CACNA1F: variants seen among roughly 807,000 people sequenced by gnomAD.
CACNA1F encodes voltage-dependent L-type calcium channel subunit alpha-1F.
Under a neutral mutation model 143.8 loss-of-function variants are expected in CACNA1F, and 59 were observed. That is an observed-to-expected ratio of 0.41 (90% CI 0.33 to 0.51). The LOEUF (loss-of-function observed/expected upper bound fraction) is 0.51. Ranked by LOEUF, CACNA1F falls within the 20% of genes least tolerant of loss-of-function variation. The pLI is 0.22. For synonymous variants in CACNA1F, 643 were observed against 649.1 expected (o/e 0.99, Z 0.14); for missense variants, 1,411 against 1,647.5 (o/e 0.86, Z 2.48).
chrX:49,211,598 T>G (rs1397771793), intron 35 of CACNA1F, 117 bp from the exon 36 acceptor site: 1 of 611,581 alleles, frequency 1.6e-6, no homozygotes, highest in African/African-American at 2.2e-5. Flanking sequence ...AGGGGCTACA[T>G]CTGGCACAGA....
chrX:49,230,410 G>T (rs1557111033), intron 5 of CACNA1F, 38 bp from the exon 6 acceptor site: 1 of 1,207,322 alleles, frequency 8.3e-7, no homozygotes, highest in Non-Finnish European at 1.1e-6. Flanking sequence ...TAAGGGCGGG[G>T]TCAGCTCAGC....
chrX:49,217,576 C>A (rs189825708), intron 26 of CACNA1F, among the ~76,000 whole-genome samples, 179 bp downstream of exon 26: 1 of 107,908 alleles, frequency 9.3e-6, no homozygotes, highest in East Asian at 2.9e-4. Context: ...TTGGGGAATG[C>A]GGAGAGGGAT....
At chrX:49,208,822 C>T (rs1444795338) in intron 42 of CACNA1F, 138 bp from the exon 43 acceptor site, 7 of 529,029 alleles carry the variant, frequency 1.3e-5, no homozygotes, top group Middle Eastern at 5.1e-4. Flanking sequence ...TAAATAAATA[C>T]GTAAATAAAT....
chrX:49,215,423 G>T lies in CACNA1F; in HGVS notation c.3357C>A (p.Asn1119Lys). The change falls in exon 28 of 48, where the codon AAC (asparagine) becomes AAA (lysine). Residue 1119 changes from asparagine (N) to lysine (K), a missense_variant. This residue lies in a region of CACNA1F where 950 missense variants were observed against 1,128.1 expected (regional missense o/e 0.84). Coordinates refer to ENST00000323022, the MANE Select transcript of CACNA1F (RefSeq NM_001256789.3). The stretch of plus-strand genomic sequence containing the variant: ...TGATGATGACGAAGCCCACGAAGAT[G>T]TTCATCATGAAGAACGCAATGATGA... ...YIIIIAFFMM[N>K]IFVGFVIITF... 1 of 1,209,097 alleles carries T rather than the reference G, an allele frequency of 8.3e-7. No individual in the cohort carries two copies. The highest frequency in any genetic ancestry group is 1.7e-5 in the African/African-American group (1 of 57,632).
intron 14 of CACNA1F, among the ~76,000 whole-genome samples, chrX:49,223,618 A>AAAAAAAAG (rs1399389646): frequency 3.0e-5 from 3 of 100,571 alleles, no homozygotes; most frequent in African/African-American, 1.2e-4. Context: ...AAAAAAAAAA[A>AAAAAAAAG]AAGAAGAAGA....
rs781842623 is a variant in CACNA1F at position 49,209,609 on chromosome X, C to T, written c.4821+20G>A. 2.5e-6 allele frequency: 3 copies of T among 1,210,883 alleles called. No homozygotes were observed. Among genetic ancestry groups the T allele is most frequent in the Non-Finnish European group, 3.4e-6 (3 of 894,852 alleles). On this transcript the variant is annotated intron_variant, in intron 41 of 47. Transcript: ENST00000323022. ...GCACTGCCACACGTGCCCATCCACA[C>T]TAGGCCCTGCCCCGAAGACCTGAAG...
rs2065643796 is a variant in CACNA1F at position 49,210,345 on chromosome X, G to A, written c.4544C>T (p.Thr1515Ile). The change falls in exon 39 of 48, where the codon ACA becomes ATA. Residue 1515 changes from threonine (T) to isoleucine (I), a missense_variant. Thr to Ile is a moderately conservative substitution (Grantham distance 89). Around this residue, in one of 3 missense-constraint regions of CACNA1F, gnomAD observed 112 missense variants for 169.2 expected, o/e 0.66. Coordinates refer to ENST00000323022, the MANE Select transcript of CACNA1F (RefSeq NM_001256789.3). ...GGATGTCCGGACCAGGGCAAAGAGT[G>A]TGGCGTTGAATGTCACCGTCCCATC... ...NSDGTVTFNA[T>I]LFALVRTSLK... The A allele has an allele frequency of 8.3e-7, 1 of 1,209,078 alleles. No individual in the cohort carries two copies. The highest frequency in any genetic ancestry group is 1.1e-6 in the Non-Finnish European group (1 of 892,898).
intron 14 of CACNA1F, among the ~76,000 whole-genome samples, chrX:49,224,280 G>A (rs1239973115): frequency 9.1e-6 from 1 of 110,488 alleles, no homozygotes; most frequent in Non-Finnish European, 1.9e-5. Flanking sequence ...GGGGATTGAG[G>A]ATGGTATTAT....
intron 30 of CACNA1F, 84 bp from the exon 31 acceptor site, chrX:49,213,986 AG>A: frequency 9.9e-6 from 7 of 709,285 alleles, no homozygotes; most frequent in South Asian, 8.9e-5. Context: ...GGGGCGCCGG[AG>A]GGGGGCAGGG....
At chrX:49,205,483 G>C in intron 47 of CACNA1F, 116 bp from the exon 48 acceptor site, 1 of 837,888 alleles carries the variant, frequency 1.2e-6, no homozygotes, top group Non-Finnish European at 1.7e-6. Flanking sequence ...GGACAGGGGT[G>C]AGCAGAGGTC....
Position 49,224,942 on chromosome X carries a change from G to A in CACNA1F, c.1696C>T (p.Leu566Phe). The A allele has an allele frequency of 4.1e-6, 5 of 1,206,484 alleles. No individual in the cohort carries two copies. Among genetic ancestry groups the A allele is most frequent in the Non-Finnish European group, 5.6e-6 (5 of 891,411 alleles). ...VLLCLFTVEM[L>F]LKLYGLGPSA... is the part of the protein sequence containing the mutation. ...GGGCCCAGACCGTACAATTTGAGAAGCATCTCCACCGTGAACAGACAGAGC... is the reference window on the plus strand; with the variant it reads ...GGGCCCAGACCGTACAATTTGAGAAACATCTCCACCGTGAACAGACAGAGC... Residue 566 changes from leucine (L) to phenylalanine (F), a missense_variant, in exon 14 of 48, where the codon CTT becomes TTT. Around this residue, in one of 3 missense-constraint regions of CACNA1F, gnomAD observed 950 missense variants for 1,128.1 expected, o/e 0.84. Coordinates refer to ENST00000323022, the MANE Select transcript of CACNA1F (RefSeq NM_001256789.3).
chrX:49,212,766 A>G lies in CACNA1F; in HGVS notation c.3843T>C (p.Ile1281=). ...ESSEDSSRIS[I]TFFRLFRVMR... The stretch of plus-strand genomic sequence containing the variant: ...TAACTCGGAAGAGGCGAAAGAAGGT[A>G]ATGGAAATGCGGGAGCTGTCCTCAG... Residue 1281 remains isoleucine (I), a synonymous_variant, in exon 33 of 48, where the codon ATT becomes ATC. Coordinates refer to ENST00000323022, the MANE Select transcript of CACNA1F (RefSeq NM_001256789.3). The G allele has an allele frequency of 8.3e-7, 1 of 1,210,129 alleles. No individual in the cohort carries two copies. The highest frequency in any genetic ancestry group is 1.1e-6 in the Non-Finnish European group (1 of 894,605).
chrX:49,227,193 G>T, intron 8 of CACNA1F, 66 bp from the exon 9 acceptor site: 1 of 857,863 alleles, frequency 1.2e-6, no homozygotes, highest in Non-Finnish European at 1.7e-6. Context: ...CATCACTCCA[G>T]CCACACTAGC....
At position 49,230,272 on chromosome X, in the gene CACNA1F, C is replaced by G. The variant is rs782681106; in HGVS notation, c.765G>C (p.Gly255=). The change falls in exon 6 of 48, where the codon GGG becomes GGC. Residue 255 remains glycine (G), a synonymous_variant. Transcript: ENST00000323022. ...GCATTCGTCCAAGGAACAGCTCGAGCCCAATGATGGCATAAATGATGATGA... is the reference window on the plus strand; with the variant it reads ...GCATTCGTCCAAGGAACAGCTCGAGGCCAATGATGGCATAAATGATGATGA... ...LFVIIIYAII[G]LELFLGRMHK... 3 of 1,207,129 alleles carry G rather than the reference C, an allele frequency of 2.5e-6. No individual in the cohort carries two copies.
Position 49,206,770 on chromosome X carries a change from G to T in CACNA1F, c.5317C>A (p.His1773Asn). ...PHRAQRYMDGHLVPRRRLLPP... is the reference protein window; with the variant it reads ...PHRAQRYMDGNLVPRRRLLPP... ...AGCAGACGGCGGCGTGGTACCAGGT[G>T]CCCATCCATGTATCTCTGAGCTCTG... is the stretch of plus-strand genomic sequence containing the variant. Residue 1773 changes from histidine (H) to asparagine (N), a missense_variant, in exon 45 of 48, where the codon CAC becomes AAC. His to Asn is a moderately conservative substitution (Grantham distance 68). Coordinates refer to ENST00000323022, the MANE Select transcript of CACNA1F (RefSeq NM_001256789.3). The T allele has an allele frequency of 8.3e-7, 1 of 1,207,607 alleles. No homozygotes were observed. The highest frequency in any genetic ancestry group is 2.2e-5 in the Admixed American group (1 of 45,969).
chrX:49,208,837 A>G, intron 42 of CACNA1F, 153 bp from the exon 43 acceptor site: 1 of 515,271 alleles, frequency 1.9e-6, no homozygotes, highest in Admixed American at 2.8e-5. Context: ...ATAAATAAAT[A>G]AATATTTGCG....
intron 17 of CACNA1F, among the ~76,000 whole-genome samples, chrX:49,221,504 G>A (rs1327663070): frequency 5.4e-5 from 6 of 110,350 alleles, no homozygotes; most frequent in African/African-American, 2.0e-4. Context: ...CGCCTCCTGG[G>A]TTCAAGCGAG....
In CACNA1F at chrX:49,217,910, C is replaced by T. The variant is rs2065734191; in HGVS notation, c.3024G>A (p.Val1008=). Residue 1008 remains valine (V), a synonymous_variant, in exon 25 of 48, where the codon GTG becomes GTA. Transcript: ENST00000323022. ...GTGTTTGCCCCACCTTGAAGAGCTG[C>T]ACCCCGATGCAGGCGAACATAAATT... ...LLQFMFACIG[V]QLFKGKFYTC... 1 of 1,206,148 alleles carries T rather than the reference C, an allele frequency of 8.3e-7. No homozygotes were observed. The highest frequency in any genetic ancestry group is 1.1e-6 in the Non-Finnish European group (1 of 891,949).
intron 5 of CACNA1F, 35 bp downstream of exon 5, chrX:49,230,432 C>T: frequency 8.3e-7 from 1 of 1,207,799 alleles, no homozygotes. Flanking sequence ...CCACCCCCAC[C>T]CTCCACCTCC....
Sources: allele counts gnomAD v4.1 joint callset (sites outside exome capture counted in the v4.1 genomes callset), GRCh38; gene constraint gnomAD v4.1.1; regional missense constraint gnomAD v4.1.1; transcripts MANE v1.5; gene names NCBI Gene and HGNC (gene_info 2026-07-23, HGNC 2026-07-21).